Variants in CECR2 observed in about 807,000 individuals in gnomAD.
CECR2 encodes chromatin remodeling regulator CECR2.
A neutral mutation model predicts 154.5 loss-of-function variants in CECR2; 30 were observed. The ratio of observed to expected loss-of-function variants is 0.19; its 90% CI spans 0.15 to 0.26. CECR2 has a LOEUF of 0.26. Ranked by LOEUF, CECR2 falls within the 10% of genes least tolerant of loss-of-function variation. The probability of loss-of-function intolerance (pLI) is 1.00; values close to 1 mark genes in which losing one functional copy is unlikely to be tolerated. For synonymous variants in CECR2, 725 were observed against 683.7 expected, an observed-to-expected ratio of 1.06 and a Z score of -0.94; for missense variants, 1,743 against 1,829.3, an observed-to-expected ratio of 0.95 and a Z score of 0.86.
At chr22:17,427,346 A>G (rs1353935111) in intron 1 of CECR2, among the ~76,000 whole-genome samples, 1 of 152,192 alleles carries the variant, frequency 6.6e-6, no homozygotes, top group Non-Finnish European at 1.5e-5. Flanking sequence ...TCTTTATAGT[A>G]TCATGATTTA....
intron 1 of CECR2, among the ~76,000 whole-genome samples, chr22:17,471,510 G>A (rs1428621494): frequency 1.3e-5 from 2 of 151,566 alleles, no homozygotes; most frequent in Non-Finnish European, 2.9e-5. Context: ...TGAGTGTGGG[G>A]TTTTTTATTG....
intron 1 of CECR2, among the ~76,000 whole-genome samples, chr22:17,442,882 C>A (rs1261955733): frequency 6.6e-6 from 1 of 152,134 alleles, no homozygotes; most frequent in Non-Finnish European, 1.5e-5. Context: ...ACAGGCTTCC[C>A]TAGAATCATT....
upstream of CECR2, among the ~76,000 whole-genome samples, chr22:17,367,233 G>C (rs979235972): frequency 2.0e-5 from 3 of 152,242 alleles, no homozygotes; most frequent in Admixed American, 6.5e-5. Context: ...CTAAAAGGTA[G>C]CCAAATCATC....
chr22:17,364,012 T>C (rs924494034), intron 1 of CECR2, among the ~76,000 whole-genome samples: 1 of 151,992 alleles, frequency 6.6e-6, no homozygotes, highest in Non-Finnish European at 1.5e-5. Context: ...AGCTCCTTAA[T>C]GAGAAAAGCT....
intron 14 of CECR2, among the ~76,000 whole-genome samples, chr22:17,541,155 G>A (rs1378232535): frequency 6.6e-6 from 1 of 151,954 alleles, no homozygotes; most frequent in African/African-American, 2.4e-5. Context: ...CAAAAATTGG[G>A]ATTAAAAAAT....
intron 1 of CECR2, among the ~76,000 whole-genome samples, chr22:17,430,494 TCTCCCACCTCCA>T (rs1310986643): frequency 6.6e-6 from 1 of 152,038 alleles, no homozygotes; most frequent in African/African-American, 2.4e-5. Context: ...TCTCTAACCC[TCTCCCACCTCCA>T]CTCCCACCAC....
chr22:17,532,389 G>C (rs1479258504), intron 9 of CECR2, among the ~76,000 whole-genome samples: 1 of 152,096 alleles, frequency 6.6e-6, no homozygotes, highest in Non-Finnish European at 1.5e-5. Context: ...GTAGTTTCAG[G>C]CCTTCCTGGG....
rs113276392 is a variant in CECR2 at position 17,409,130 on chromosome 22, T to TG, written c.126+39221_126+39222insG. The stretch of plus-strand genomic sequence containing the variant: ...TAAATGTTGTTGTTTTCTTGTTTTT[T>TG]TTTGTTTGTTTGTTTGTTTTTGAGA... On this transcript the variant is annotated intron_variant, in intron 1 of 18. Transcript: ENST00000262608. Among the ~76,000 whole-genome samples, 458 of 152,082 alleles carry TG rather than the reference T, an allele frequency of 3.0e-3. 5 individuals are homozygous for TG. Among genetic ancestry groups the TG allele is most frequent in the African/African-American group, 9.6e-3 (398 of 41,440 alleles).
intron 1 of CECR2, among the ~76,000 whole-genome samples, chr22:17,402,881 C>G (rs1021902080): frequency 2.0e-5 from 3 of 151,992 alleles, no homozygotes; most frequent in Non-Finnish European, 4.4e-5. Flanking sequence ...CCTCAGCCTC[C>G]TGAGTGGCTG....
chr22:17,413,445 C>G (rs1023796235), intron 1 of CECR2, among the ~76,000 whole-genome samples: 4 of 152,130 alleles, frequency 2.6e-5, no homozygotes, highest in African/African-American at 9.7e-5. Flanking sequence ...CTTAAGCTCA[C>G]TATTCTGCAG....
intron 1 of CECR2, among the ~76,000 whole-genome samples, chr22:17,420,620 T>C (rs1334159750): frequency 6.6e-6 from 1 of 152,182 alleles, no homozygotes; most frequent in Non-Finnish European, 1.5e-5. Flanking sequence ...AATTAGTGGA[T>C]TGAGTCCACT....
intron 2 of CECR2, among the ~76,000 whole-genome samples, chr22:17,495,776 G>A (rs1170914766): frequency 2.0e-5 from 3 of 148,176 alleles, no homozygotes; most frequent in Non-Finnish European, 3.0e-5. Flanking sequence ...GCAGGAGAAT[G>A]GCGTGAACCT....
chr22:17,433,527 C>T (rs559869700), intron 1 of CECR2, among the ~76,000 whole-genome samples: 29 of 152,294 alleles, frequency 1.9e-4, no homozygotes, highest in Non-Finnish European at 4.0e-4. Flanking sequence ...CTCACTGCAG[C>T]CTTGACCTCC....
chr22:17,405,173 G>A (rs569511068), intron 1 of CECR2, among the ~76,000 whole-genome samples: 12 of 152,178 alleles, frequency 7.9e-5, no homozygotes, highest in Non-Finnish European at 1.3e-4. Flanking sequence ...ACTTTGGGAA[G>A]CTGAGGCAGG....
intron 1 of CECR2, among the ~76,000 whole-genome samples, chr22:17,459,113 C>G (rs893444236): frequency 2.6e-5 from 4 of 152,180 alleles, no homozygotes; most frequent in East Asian, 1.9e-4. Context: ...ATTTCAAGGA[C>G]AGACCAAGGA....
chr22:17,474,872 C>T (rs1035913667), intron 1 of CECR2, among the ~76,000 whole-genome samples: 18 of 152,120 alleles, frequency 1.2e-4, no homozygotes, highest in African/African-American at 4.3e-4. Flanking sequence ...CGCTATGTTC[C>T]TCAGGCTGGT....
rs1202467818 is a variant in CECR2, at chr22:17,409,964, CTATTTATTTATTTATT to C, written c.126+40073_126+40088del. 1.6e-4 allele frequency among the ~76,000 whole-genome samples: 17 copies of C among 104,688 alleles called. 7 individuals are homozygous for C. Among genetic ancestry groups the C allele is most frequent in the Non-Finnish European group, 3.1e-4 (14 of 45,714 alleles). 68.7% of individuals were successfully genotyped at this position (104,688 alleles called of 152,430 possible). A position where few individuals can be genotyped will look rare whatever the true frequency, so the allele number is the denominator to read the frequency against. ...ACATATTCAATCAAGTGTTTGCTGTCTATTTATTTATTTATTTATTTATTTATTTATTTTTGAGACA... is the reference window on the plus strand; with the variant it reads ...ACATATTCAATCAAGTGTTTGCTGTCTATTTATTTATTTATTTTTGAGACA... On this transcript the variant is annotated intron_variant, in intron 1 of 18. Transcript: ENST00000262608.
At chr22:17,436,111 A>G (rs1259729698) in intron 1 of CECR2, among the ~76,000 whole-genome samples, 1 of 151,930 alleles carries the variant, frequency 6.6e-6, no homozygotes, top group Admixed American at 6.6e-5. Flanking sequence ...GGTGCGTGTC[A>G]CCACGCTCAG....
At chr22:17,518,769 A>G in intron 8 of CECR2, 1 of 363,008 alleles carries the variant, frequency 2.8e-6, no homozygotes, top group Admixed American at 3.1e-5. Context: ...ATTTGTCACA[A>G]ATCATATTCT....
Sources: allele counts gnomAD v4.1 joint callset (sites outside exome capture counted in the v4.1 genomes callset), GRCh38; gene constraint gnomAD v4.1.1; transcripts MANE v1.5; gene names NCBI Gene and HGNC (gene_info 2026-07-23, HGNC 2026-07-21).